The following EXD1 variants were observed in gnomAD, a reference collection of about 807,000 sequenced individuals.
EXD1 encodes the protein exonuclease 3'-5' domain containing 1, also known as piRNA biogenesis protein EXD1.
Under a neutral mutation model 49.1 loss-of-function variants are expected in EXD1, and 63 were observed. The ratio of observed to expected loss-of-function variants is 1.28; its 90% CI spans 1.05 to 1.58. The LOEUF is 1.58. Ranked by LOEUF, EXD1 falls within the 40% of genes most tolerant of loss-of-function variation. The probability of loss-of-function intolerance (pLI) is 0.00; values close to 1 mark genes in which losing one functional copy is unlikely to be tolerated. For synonymous variants in EXD1, 234 were observed against 239.2 expected (o/e 0.98, Z 0.20); for missense variants, 748 against 666.0 (o/e 1.12, Z -1.36).
At chr15:41,207,238 C>G (rs950359061) in intron 7 of EXD1, among the ~76,000 whole-genome samples, 29 of 148,526 alleles carry the variant, frequency 2.0e-4, no homozygotes, top group African/African-American at 7.2e-4. Flanking sequence ...GAAACTCCGT[C>G]TCAAAAAAAA....
chr15:41,191,175 C>G (rs776269208), intron 10 of EXD1, among the ~76,000 whole-genome samples: 3 of 152,188 alleles, frequency 2.0e-5, no homozygotes, highest in Non-Finnish European at 2.9e-5. Flanking sequence ...ATCCGCCCGC[C>G]TCAGCCTCCC....
intron 6 of EXD1, among the ~76,000 whole-genome samples, chr15:41,209,816 A>G (rs1240187233): frequency 6.6e-6 from 1 of 152,198 alleles, no homozygotes; most frequent in Non-Finnish European, 1.5e-5. Flanking sequence ...CACAGCTGGA[A>G]AATAAATCAC....
chr15:41,214,275 C>G (rs1038177250), intron 6 of EXD1, among the ~76,000 whole-genome samples: 1 of 152,106 alleles, frequency 6.6e-6, no homozygotes, highest in Non-Finnish European at 1.5e-5. Context: ...CTTTGGGAGG[C>G]GGAGATAGGC....
intron 7 of EXD1, among the ~76,000 whole-genome samples, chr15:41,205,565 T>G (rs1163996995): frequency 3.3e-5 from 5 of 151,822 alleles, no homozygotes. Flanking sequence ...ATTGCTTGAG[T>G]CTGGGAGTTT....
At chr15:41,199,879 T>C (rs981126626) in intron 7 of EXD1, among the ~76,000 whole-genome samples, 89 of 144,156 alleles carry the variant, frequency 6.2e-4, no homozygotes, top group Non-Finnish European at 1.2e-3. Context: ...ATATATATCA[T>C]ATATATATGA....
chr15:41,229,247 G>A (rs1360569665), intron 1 of EXD1, among the ~76,000 whole-genome samples: 2 of 152,196 alleles, frequency 1.3e-5, no homozygotes, highest in South Asian at 2.1e-4. Flanking sequence ...GGAGGCCGAG[G>A]CGGGTGGATC....
chr15:41,202,148 T>TTA lies in EXD1; in HGVS notation c.535-6113_535-6112dup, dbSNP rs112190852. Among the ~76,000 whole-genome samples, 499 of 134,936 alleles carry TTA rather than the reference T, an allele frequency of 3.7e-3. 3 individuals carry two copies. Among genetic ancestry groups the TTA allele is most frequent in the African/African-American group, 0.014 (433 of 31,252 alleles). The allele number at this position is 134,936 out of a possible 152,430, so 88.5% of individuals were successfully genotyped here. ...CTAGCACCCATTCTCAGAACTTTCA[T>TTA]TATATATATATATATATATTTTTTT... On this transcript the variant is annotated intron_variant, in intron 7 of 11. Coordinates refer to ENST00000458580, the MANE Select transcript of EXD1 (RefSeq NM_001286441.2).
chr15:41,201,979 C>G (rs951883170), intron 7 of EXD1, among the ~76,000 whole-genome samples: 1 of 151,880 alleles, frequency 6.6e-6, no homozygotes, highest in East Asian at 1.9e-4. Context: ...AAAGCAAGAC[C>G]CCTGTCTGTA....
intron 11 of EXD1, among the ~76,000 whole-genome samples, chr15:41,185,627 C>T (rs1267549835): frequency 1.3e-5 from 2 of 152,084 alleles, no homozygotes; most frequent in Non-Finnish European, 2.9e-5. Flanking sequence ...AATCCTCCCA[C>T]GTCAGCCTCC....
chr15:41,190,512 G>A (rs2046496669), intron 10 of EXD1: 2 of 277,482 alleles, frequency 7.2e-6, no homozygotes, highest in Admixed American at 4.8e-5. Flanking sequence ...GAAAAGAACT[G>A]TTTAAAGTAT....
rs190136542 is a variant in EXD1, at chr15:41,227,427, T to C, written c.-53-799A>G. Among the ~76,000 whole-genome samples the C allele has an allele frequency of 1.0e-3, 152 of 152,288 alleles. 1 individual carries two copies. The highest frequency in any genetic ancestry group is 3.3e-3 in the Admixed American group (50 of 15,288). ...GCTCATGCCTGTAATCCCACCACTT[T>C]GGGAGGCCGAGGTGGGCAGATAATC... On this transcript the variant is annotated intron_variant, in intron 1 of 11. Transcript: ENST00000458580.
In EXD1 at chr15:41,186,388, C is replaced by T. The variant is rs545390070; in HGVS notation, c.1057-1795G>A. Among the ~76,000 whole-genome samples, 383 of 144,262 alleles carry T rather than the reference C, an allele frequency of 2.7e-3. 1 individual carries two copies. Among genetic ancestry groups the T allele is most frequent in the Non-Finnish European group, 3.2e-3 (216 of 66,900 alleles). The allele number at this position is 144,262 out of a possible 152,430, so 94.6% of individuals were successfully genotyped here. ...TCAGGAGGCTGAGGGAGGAGAATCA[C>T]TTGAACTCAGGAGGTGGAGGTTGCA... On this transcript the variant is annotated intron_variant, in intron 11 of 11. Coordinates refer to ENST00000458580, the MANE Select transcript of EXD1 (RefSeq NM_001286441.2).
At chr15:41,209,678 T>A in intron 6 of EXD1, 91 bp from the exon 7 acceptor site, 1 of 1,061,530 alleles carries the variant, frequency 9.4e-7, no homozygotes, top group Non-Finnish European at 1.4e-6. Context: ...TGGTCAGCAG[T>A]AAACAAAGTG....
intron 7 of EXD1, among the ~76,000 whole-genome samples, chr15:41,199,688 TGA>T (rs367672576): frequency 8.9e-5 from 10 of 112,700 alleles, no homozygotes; most frequent in African/African-American, 2.7e-4. Context: ...ATCATATATA[TGA>T]GATATATTAC....
chr15:41,214,839 G>T (rs1237382311), intron 6 of EXD1, among the ~76,000 whole-genome samples: 5 of 151,810 alleles, frequency 3.3e-5, no homozygotes, highest in African/African-American at 1.2e-4. Flanking sequence ...TCCGCCTCCC[G>T]AGTTCACACC....
At chr15:41,207,266 G>A (rs2046845827) in intron 7 of EXD1, among the ~76,000 whole-genome samples, 1 of 151,572 alleles carries the variant, frequency 6.6e-6, no homozygotes, top group African/African-American at 2.4e-5. Context: ...CTCTGGCAGG[G>A]TGTGGTGGCT....
chr15:41,217,607 T>C (rs1466932205), intron 3 of EXD1, among the ~76,000 whole-genome samples: 2 of 148,448 alleles, frequency 1.3e-5, no homozygotes, highest in Non-Finnish European at 3.0e-5. Flanking sequence ...CTCAGCTCAC[T>C]GTAACCTCCG....
chr15:41,191,375 G>A, intron 10 of EXD1, 67 bp downstream of exon 10: 1 of 1,422,264 alleles, frequency 7.0e-7, no homozygotes, highest in Non-Finnish European at 9.7e-7. Flanking sequence ...TACATAACAG[G>A]CTGATAATAC....
chr15:41,221,746 A>G (rs2047091582), intron 2 of EXD1, among the ~76,000 whole-genome samples: 1 of 151,570 alleles, frequency 6.6e-6, no homozygotes, highest in African/African-American at 2.4e-5. Context: ...AGTTGTCCTG[A>G]CATTCATTTT....
Sources: gnomAD v4.1 joint callset for allele counts (sites outside exome capture counted in the v4.1 genomes callset) on GRCh38, gnomAD v4.1.1 for gene constraint, MANE v1.5 for transcripts, NCBI Gene and HGNC (gene_info 2026-07-23, HGNC 2026-07-21) for gene names.